ERBB4: variants seen among roughly 807,000 people sequenced by gnomAD.
ERBB4 encodes receptor tyrosine-protein kinase erbB-4.
Under a neutral mutation model 158.0 loss-of-function variants are expected in ERBB4, and 42 were observed. That is an observed-to-expected ratio of 0.27 (90% confidence interval 0.21 to 0.34). The LOEUF is 0.34. Among genes scored for constraint, ERBB4 ranks in the 10% least tolerant of loss-of-function variants. ERBB4 has a pLI of 1.00. For missense variants in ERBB4, 1,333 were observed against 1,624.1 expected (o/e 0.82, Z 3.08); for synonymous variants, 583 against 558.7 (o/e 1.04, Z -0.61).
At chr2:211,803,513 T>C (rs769205881) in intron 3 of ERBB4, among the ~76,000 whole-genome samples, 1 of 152,124 alleles carries the variant, frequency 6.6e-6, no homozygotes, top group Non-Finnish European at 1.5e-5. Context: ...AGTAGAACTA[T>C]GGCAAACTGG....
chr2:211,943,028 A>G (rs543653503), intron 3 of ERBB4, among the ~76,000 whole-genome samples: 1 of 152,256 alleles, frequency 6.6e-6, no homozygotes, highest in African/African-American at 2.4e-5. Context: ...TATAAACAAA[A>G]TAGATAAGAA....
At chr2:212,464,392 G>A (rs1489273153) in intron 1 of ERBB4, among the ~76,000 whole-genome samples, 2 of 152,042 alleles carry the variant, frequency 1.3e-5, no homozygotes, top group African/African-American at 4.8e-5. Context: ...TCATTTTGCA[G>A]TCATTTGTTT....
In ERBB4 at chr2:211,866,998, C is replaced by T. The variant is rs1025315407; in HGVS notation, c.422-78839G>A. On this transcript the variant is annotated intron_variant, in intron 3 of 27. Coordinates refer to ENST00000342788, the MANE Select transcript of ERBB4 (RefSeq NM_005235.3). ...TCCCTTCCTTCTTGCCCCTTCTTGCCTATTAAACTCTCCATTCCTTAAAAC... is the reference window on the plus strand; with the variant it reads ...TCCCTTCCTTCTTGCCCCTTCTTGCTTATTAAACTCTCCATTCCTTAAAAC... Among the ~76,000 whole-genome samples, 3 of 118,288 alleles carry T rather than the reference C, an allele frequency of 2.5e-5. No individual in the cohort carries two copies. In the South Asian group the frequency reaches 8.3e-4, roughly 33 times the overall value. 77.6% of individuals were successfully genotyped at this position (118,288 alleles called of 152,430 possible).
chr2:212,444,975 G>T (rs959544248), intron 1 of ERBB4, among the ~76,000 whole-genome samples: 1 of 151,454 alleles, frequency 6.6e-6, no homozygotes, highest in African/African-American at 2.4e-5. Context: ...AATATCTGTG[G>T]ACTCGCAGAA....
At chr2:211,823,677 C>T (rs2077040399) in intron 3 of ERBB4, among the ~76,000 whole-genome samples, 1 of 151,936 alleles carries the variant, frequency 6.6e-6, no homozygotes, top group Admixed American at 6.6e-5. Context: ...ATTTCTACTG[C>T]ATTATCAAAG....
chr2:212,102,486 A>G (rs2079113195), intron 2 of ERBB4, among the ~76,000 whole-genome samples: 1 of 152,132 alleles, frequency 6.6e-6, no homozygotes, highest in Non-Finnish European at 1.5e-5. Flanking sequence ...TATTAAAAGA[A>G]AAAAAGTCTC....
Position 211,869,294 on chromosome 2 carries a change from T to C in ERBB4, c.421+78136A>G, listed in dbSNP as rs77052168. 3.6e-3 allele frequency among the ~76,000 whole-genome samples: 543 copies of C among 152,308 alleles called. 3 individuals carry two copies. Among genetic ancestry groups the C allele is most frequent in the African/African-American group, 0.012 (517 of 41,574 alleles). ...GCAGACACAAGTATGGCTAATATGA[T>C]TGTTAGTCCTTTCTACAATCACTGT... On this transcript the variant is annotated intron_variant, in intron 3 of 27. Coordinates refer to ENST00000342788, the MANE Select transcript of ERBB4 (RefSeq NM_005235.3).
chr2:211,996,384 A>G (rs1036245507), intron 2 of ERBB4, among the ~76,000 whole-genome samples: 1 of 152,110 alleles, frequency 6.6e-6, no homozygotes, highest in Non-Finnish European at 1.5e-5. Flanking sequence ...GGCAATATTC[A>G]AAATTTAACA....
intron 15 of ERBB4, among the ~76,000 whole-genome samples, chr2:211,660,313 G>A (rs1316071058): frequency 6.6e-6 from 1 of 152,194 alleles, no homozygotes; most frequent in East Asian, 1.9e-4. Context: ...TTTAGTCCAC[G>A]TAAGAGATGA....
chr2:212,455,456 A>G (rs892532480), intron 1 of ERBB4, among the ~76,000 whole-genome samples: 3 of 152,150 alleles, frequency 2.0e-5, no homozygotes, highest in Admixed American at 6.6e-5. Context: ...ATTGTCCAAT[A>G]TGGTAGCCAC....
chr2:212,243,225 A>G (rs770752821), intron 1 of ERBB4, among the ~76,000 whole-genome samples: 5 of 152,294 alleles, frequency 3.3e-5, no homozygotes, highest in Non-Finnish European at 5.9e-5. Context: ...GGCAGCGACC[A>G]GATTGGGAAG....
chr2:211,974,550 G>A lies in ERBB4; in HGVS notation c.235-26934C>T, dbSNP rs575349456. On this transcript the variant is annotated intron_variant, in intron 2 of 27. Coordinates refer to ENST00000342788, the MANE Select transcript of ERBB4 (RefSeq NM_005235.3). ...TCTCTAAAGTGGAGGAAGTCTTGGA[G>A]TCCACAGCATCTCCAAGACTCCTTC... Among the ~76,000 whole-genome samples the A allele has an allele frequency of 5.3e-5, 8 of 152,278 alleles. No individual in the cohort carries two copies. In the East Asian group the frequency reaches 7.7e-4, roughly 15 times the overall value.
At chr2:212,070,248 CAT>C (rs1235572103) in intron 2 of ERBB4, among the ~76,000 whole-genome samples, 1 of 151,908 alleles carries the variant, frequency 6.6e-6, no homozygotes, top group Non-Finnish European at 1.5e-5. Flanking sequence ...AAATTAAAGG[CAT>C]ATGTTTTTTA....
At chr2:212,063,855 G>T (rs1335269562) in intron 2 of ERBB4, among the ~76,000 whole-genome samples, 1 of 152,134 alleles carries the variant, frequency 6.6e-6, no homozygotes, top group Non-Finnish European at 1.5e-5. Context: ...TTTGCCAGAT[G>T]ATCCCTTGAA....
At chr2:212,111,650 A>T (rs2079410930) in intron 2 of ERBB4, among the ~76,000 whole-genome samples, 2 of 151,772 alleles carry the variant, frequency 1.3e-5, no homozygotes, top group Non-Finnish European at 2.9e-5. Flanking sequence ...TTTTATAATT[A>T]ACTCACATTT....
chr2:212,045,448 G>A (rs909399204), intron 2 of ERBB4, among the ~76,000 whole-genome samples: 1 of 152,146 alleles, frequency 6.6e-6, no homozygotes. Context: ...ATAGAGGAGA[G>A]AGGAGATTCT....
At chr2:212,214,243 C>A (rs1336764485) in intron 1 of ERBB4, among the ~76,000 whole-genome samples, 5 of 151,794 alleles carry the variant, frequency 3.3e-5, no homozygotes, top group Non-Finnish European at 7.4e-5. Context: ...TTTATCTGCA[C>A]TGCCCAATAG....
intron 1 of ERBB4, among the ~76,000 whole-genome samples, chr2:212,268,111 A>C (rs912837991): frequency 6.6e-6 from 1 of 151,858 alleles, no homozygotes; most frequent in Non-Finnish European, 1.5e-5. Context: ...AGGAACCATA[A>C]ATGTTATCTC....
At chr2:212,146,298 C>G (rs977314837) in intron 1 of ERBB4, among the ~76,000 whole-genome samples, 2 of 152,140 alleles carry the variant, frequency 1.3e-5, no homozygotes, top group African/African-American at 4.8e-5. Flanking sequence ...GCTGGGACTT[C>G]TATTTTCTGT....
Sources: allele counts gnomAD v4.1 joint callset (sites outside exome capture counted in the v4.1 genomes callset), GRCh38; gene constraint gnomAD v4.1.1; transcripts MANE v1.5; gene names NCBI Gene and HGNC (gene_info 2026-07-23, HGNC 2026-07-21).